Variants in TBC1D22A observed in about 807,000 individuals in gnomAD.
TBC1D22A encodes the protein putative GTPase activator.
A neutral mutation model predicts 60.2 loss-of-function variants in TBC1D22A; 38 were observed. That is an observed-to-expected ratio of 0.63 (90% CI 0.49 to 0.83). The LOEUF (loss-of-function observed/expected upper bound fraction) is 0.83. Among genes scored for constraint, TBC1D22A ranks in the 40% least tolerant of loss-of-function variants. The probability of loss-of-function intolerance (pLI) is 0.00; values close to 1 mark genes in which losing one functional copy is unlikely to be tolerated. For missense variants in TBC1D22A, 628 were observed against 701.0 expected (o/e 0.90, Z 1.18); for synonymous variants, 302 against 281.7 (o/e 1.07, Z -0.72).
intron 11 of TBC1D22A, among the ~76,000 whole-genome samples, chr22:47,074,927 A>G (rs993434238): frequency 7.2e-5 from 11 of 152,190 alleles, no homozygotes; most frequent in African/African-American, 2.7e-4. Context: ...AAAGGGGTGT[A>G]ATAGAGAACC....
At chr22:46,986,399 C>CA (rs146693901) in intron 9 of TBC1D22A, among the ~76,000 whole-genome samples, 6,171 of 123,386 alleles carry the variant, frequency 0.05, 202 homozygotes, top group South Asian at 0.099. Context: ...CCACTTCCTA[C>CA]AAAAAAAAAA....
intron 4 of TBC1D22A, among the ~76,000 whole-genome samples, chr22:46,807,988 A>T (rs375100905): frequency 1.3e-5 from 2 of 152,188 alleles, no homozygotes; most frequent in African/African-American, 4.8e-5. Flanking sequence ...GCAAAAAAAT[A>T]AAAAAGAAAC....
At chr22:47,040,711 A>G (rs1484213447) in intron 11 of TBC1D22A, among the ~76,000 whole-genome samples, 2 of 152,166 alleles carry the variant, frequency 1.3e-5, no homozygotes, top group African/African-American at 2.4e-5. Context: ...GACGTGACTC[A>G]GCAGCAGAGG....
chr22:47,055,055 G>A (rs914499532), intron 11 of TBC1D22A, among the ~76,000 whole-genome samples: 1 of 152,228 alleles, frequency 6.6e-6, no homozygotes. Context: ...CCTCCGAGGT[G>A]GAGGAGGTGA....
At chr22:47,053,902 C>A (rs2063307998) in intron 11 of TBC1D22A, among the ~76,000 whole-genome samples, 3 of 152,196 alleles carry the variant, frequency 2.0e-5, no homozygotes, top group Admixed American at 1.3e-4. Context: ...GGAGTTGAAC[C>A]AAGGACACGG....
chr22:46,937,201 A>G (rs994229224), intron 8 of TBC1D22A, among the ~76,000 whole-genome samples: 4 of 152,246 alleles, frequency 2.6e-5, no homozygotes, highest in African/African-American at 9.6e-5. Context: ...TCAAAGAACA[A>G]GGAGAAAATC....
chr22:46,877,959 A>G (rs1047853042), intron 4 of TBC1D22A, among the ~76,000 whole-genome samples: 1 of 152,074 alleles, frequency 6.6e-6, no homozygotes, highest in African/African-American at 2.4e-5. Context: ...CTGCCCTTGG[A>G]GGTGCTGGAC....
At chr22:46,825,945 C>A (rs1398604770) in intron 4 of TBC1D22A, among the ~76,000 whole-genome samples, 1 of 150,560 alleles carries the variant, frequency 6.6e-6, no homozygotes, top group Non-Finnish European at 1.5e-5. Context: ...TACAGTGGCG[C>A]CATCTCGGCT....
At chr22:46,872,406 A>G (rs550441510) in intron 4 of TBC1D22A, among the ~76,000 whole-genome samples, 2 of 152,338 alleles carry the variant, frequency 1.3e-5, no homozygotes, top group East Asian at 1.9e-4. Context: ...TAGACAAAAA[A>G]TTCTTTAAAA....
chr22:46,901,666 CA>C (rs1309091281), intron 7 of TBC1D22A, among the ~76,000 whole-genome samples: 2 of 151,942 alleles, frequency 1.3e-5, no homozygotes, highest in African/African-American at 4.8e-5. Context: ...TAGATTTCTA[CA>C]GTTCGATTTT....
chr22:47,152,158 G>A (rs1785204684), intron 12 of TBC1D22A, among the ~76,000 whole-genome samples: 1 of 152,230 alleles, frequency 6.6e-6, no homozygotes, highest in Non-Finnish European at 1.5e-5. Flanking sequence ...CTGGTTAAGT[G>A]CTCTGAGATA....
chr22:47,070,146 T>C lies in TBC1D22A; in HGVS notation c.1329+32948T>C, dbSNP rs1244194542. Among the ~76,000 whole-genome samples the C allele has an allele frequency of 4.0e-5, 6 of 148,366 alleles. 1 individual carries two copies. The highest frequency in any genetic ancestry group is 1.5e-4 in the African/African-American group (6 of 38,894). On this transcript the variant is annotated intron_variant, in intron 11 of 12. Transcript: ENST00000337137. ...TTCGAGACTGTTCCCTGTTGTTTGG[T>C]TGGAGCAGGGCTGACCTGACGGTCC... is the stretch of plus-strand genomic sequence containing the variant.
chr22:46,891,803 T>A (rs929602121), intron 6 of TBC1D22A, among the ~76,000 whole-genome samples: 1 of 152,132 alleles, frequency 6.6e-6, no homozygotes, highest in Non-Finnish European at 1.5e-5. Context: ...TGCCTGGGGT[T>A]CTCTGGCGCT....
intron 7 of TBC1D22A, among the ~76,000 whole-genome samples, chr22:46,899,225 T>G (rs971766409): frequency 6.6e-6 from 1 of 152,074 alleles, no homozygotes; most frequent in Non-Finnish European, 1.5e-5. Context: ...AGCAAGCAGA[T>G]CAGCTGAGGT....
intron 7 of TBC1D22A, among the ~76,000 whole-genome samples, chr22:46,907,299 T>C (rs1185119874): frequency 6.6e-6 from 1 of 152,204 alleles, no homozygotes; most frequent in Non-Finnish European, 1.5e-5. Context: ...TCCCTTTCAA[T>C]GGAGTTACTT....
At chr22:46,853,674 C>T (rs1018685168) in intron 4 of TBC1D22A, among the ~76,000 whole-genome samples, 3 of 152,186 alleles carry the variant, frequency 2.0e-5, no homozygotes, top group African/African-American at 4.8e-5. Context: ...TACTTGAGAG[C>T]GGAACAGGAA....
At chr22:47,054,460 G>A (rs1270684931) in intron 11 of TBC1D22A, among the ~76,000 whole-genome samples, 1 of 152,144 alleles carries the variant, frequency 6.6e-6, no homozygotes, top group Non-Finnish European at 1.5e-5. Context: ...ACTCTGCCCT[G>A]CTTCCTGCCT....
At chr22:47,119,342 AGCTGGCCACCCGGACACATG>A (rs1262882682) in intron 12 of TBC1D22A, among the ~76,000 whole-genome samples, 1 of 152,142 alleles carries the variant, frequency 6.6e-6, no homozygotes, top group Non-Finnish European at 1.5e-5. Flanking sequence ...CGTCTCACAG[AGCTGGCCACCCGGACACATG>A]GCTCCCAGCA....
Position 46,793,664 on chromosome 22 carries a change from A to G in TBC1D22A, c.283A>G (p.Met95Val), listed in dbSNP as rs1319157328. Reference protein sequence around the residue: ...AAESLNSEVVMETANRVLRNH... With the variant: ...AAESLNSEVVVETANRVLRNH... The stretch of plus-strand genomic sequence containing the variant: ...GGAGAGCCTGAACTCCGAGGTGGTC[A>G]TGGAGACGGCCAACCGTGTGCTGCG... Residue 95 changes from methionine (M) to valine (V), a missense_variant, in exon 3 of 13, where the codon ATG becomes GTG. By Grantham distance (21) the Met-to-Val change is conservative. Transcript: ENST00000337137. 4 of 1,613,296 alleles carry G rather than the reference A, an allele frequency of 2.5e-6. No homozygotes were observed. In the African/African-American group the frequency reaches 4.0e-5, roughly 16 times the overall value.
Sources: allele counts gnomAD v4.1 joint callset (sites outside exome capture counted in the v4.1 genomes callset), GRCh38; gene constraint gnomAD v4.1.1; transcripts MANE v1.5; gene names NCBI Gene and HGNC (gene_info 2026-07-23, HGNC 2026-07-21).